ETNPPL: variants seen among roughly 807,000 people sequenced by gnomAD.
The protein encoded by ETNPPL is ethanolamine-phosphate phospho-lyase.
ETNPPL carries 30 observed loss-of-function variants against 55.5 expected under a neutral mutation model. The observed-to-expected ratio is 0.54, with a 90% CI of 0.40 to 0.73. The LOEUF is 0.73. ETNPPL is among the 30% of genes least tolerant of loss of function. The pLI, the probability that ETNPPL is intolerant of heterozygous loss-of-function variation, is 0.00. For synonymous variants in ETNPPL, 202 were observed against 207.2 expected (o/e 0.98, Z 0.21); for missense variants, 528 against 607.9 (o/e 0.87, Z 1.38).
In ETNPPL at chr4:108,750,957, C is replaced by A; in HGVS notation, c.680G>T (p.Gly227Val). The change falls in exon 7 of 13, where the codon GGC becomes GTC. Residue 227 changes from glycine to valine, a missense_variant. Transcript: ENST00000296486. Reference protein sequence around the residue: ...SCGGQIIPPAGYFQKVAEYVH... With the variant: ...SCGGQIIPPAVYFQKVAEYVH... ...ATACTCTGCCACTTTCTGGAAGTAG[C>A]CTGCTGGAGGAATTATTTGTCCGCC... 2 of 1,613,304 alleles carry A rather than the reference C, an allele frequency of 1.2e-6. No individual in the cohort carries two copies. Among genetic ancestry groups the A allele is most frequent in the Non-Finnish European group, 1.7e-6 (2 of 1,179,456 alleles).
Position 108,762,847 on chromosome 4 carries a change from T to G in ETNPPL, c.52A>C (p.Ile18Leu). The change falls in exon 1 of 13, where the codon ATC becomes CTC. Residue 18 changes from isoleucine to leucine, a missense_variant. Physicochemically the swap from Ile to Leu is conservative, Grantham distance 5. Coordinates refer to ENST00000296486, the MANE Select transcript of ETNPPL (RefSeq NM_031279.4). Reference sequence around the variant, plus strand: ...TCCGGGCCAGGGTGCCCTTACCCGATGTGCTTCTTCCTCAGCCCCAGAGTG... The same window carrying G: ...TCCGGGCCAGGGTGCCCTTACCCGAGGTGCTTCTTCCTCAGCCCCAGAGTG... ...RDTLGLRKKHIGPSCKVFFAS... is the reference protein window; with the variant it reads ...RDTLGLRKKHLGPSCKVFFAS... 2 of 1,614,136 alleles carry G rather than the reference T, an allele frequency of 1.2e-6. No individual in the cohort carries two copies. Among genetic ancestry groups the G allele is most frequent in the Non-Finnish European group, 1.7e-6 (2 of 1,179,962 alleles).
At chr4:108,743,100 G>C (rs1405440455) in intron 12 of ETNPPL, among the ~76,000 whole-genome samples, 1 of 152,164 alleles carries the variant, frequency 6.6e-6, no homozygotes, top group Non-Finnish European at 1.5e-5. Context: ...AAAAGACTTT[G>C]CTGACTCCAT....
intron 11 of ETNPPL, among the ~76,000 whole-genome samples, chr4:108,745,149 AC>A (rs1728410597): frequency 1.3e-5 from 2 of 148,832 alleles, no homozygotes; most frequent in African/African-American, 5.2e-5. Context: ...TATGTTCATA[AC>A]AAAAAAATAA....
rs1017484763 is a variant in ETNPPL, at chr4:108,756,488, C to T, written c.340G>A (p.Glu114Lys). The T allele has an allele frequency of 1.2e-6, 2 of 1,612,808 alleles. No individual in the cohort carries two copies. The highest frequency in any genetic ancestry group is 1.1e-5 in the South Asian group (1 of 91,038). Residue 114 changes from glutamate (E) to lysine (K), a missense_variant, in exon 4 of 13, where the codon GAA becomes AAA. Transcript: ENST00000296486. ...SVCYFTNSGS[E>K]ANDLALRLAR... ...AGGCGTAAGGCTAAGTCGTTGGCTT[C>T]GGATCTATTAAGATAACATAGAGAG...
chr4:108,755,552 C>A (rs1349347113), intron 4 of ETNPPL, among the ~76,000 whole-genome samples: 1 of 152,112 alleles, frequency 6.6e-6, no homozygotes, highest in Non-Finnish European at 1.5e-5. Flanking sequence ...CTCGGTGGCT[C>A]ACGCCTGTAA....
At chr4:108,746,010 A>AT (rs977922406) in intron 11 of ETNPPL, among the ~76,000 whole-genome samples, 1 of 152,098 alleles carries the variant, frequency 6.6e-6, no homozygotes, top group East Asian at 1.9e-4. Flanking sequence ...AGCCTATATA[A>AT]TTTTTTTATT....
chr4:108,749,284 T>C lies in ETNPPL; in HGVS notation c.881A>G (p.Glu294Gly). ...AGAGCTGCTGAAGGCTTCTGCAATT[T>C]CTTTGGTTGTTACCACACATGCCAC... ...HPVACVVTTK[E>G]IAEAFSSSGM... The change falls in exon 8 of 13, where the codon GAA (glutamate) becomes GGA (glycine). Residue 294 changes from glutamate to glycine, a missense_variant. By Grantham distance (98) the Glu-to-Gly change is moderately conservative (BLOSUM62 -2). Transcript: ENST00000296486. 1 of 1,614,188 alleles carries C rather than the reference T, an allele frequency of 6.2e-7. No homozygotes were observed. Among genetic ancestry groups the C allele is most frequent in the Non-Finnish European group, 8.5e-7 (1 of 1,180,026 alleles).
Position 108,746,774 on chromosome 4 carries a change from T to C in ETNPPL, c.1160A>G (p.His387Arg). ...KRTPATAEAQ[H>R]IIYKMKEKRV... ...GGGGGTGAATTACTTGTAGATGATGTGCTGAGCTTCAGCTGTGGCAGGGGT... is the reference window on the plus strand; with the variant it reads ...GGGGGTGAATTACTTGTAGATGATGCGCTGAGCTTCAGCTGTGGCAGGGGT... The change falls in exon 10 of 13, where the codon CAC (histidine) becomes CGC (arginine). Residue 387 changes from histidine (H) to arginine (R), a missense_variant. Transcript: ENST00000296486. 1.9e-6 allele frequency: 3 copies of C among 1,613,924 alleles called. No homozygotes were observed. Among genetic ancestry groups the C allele is most frequent in the Non-Finnish European group, 2.5e-6 (3 of 1,179,850 alleles).
chr4:108,752,783 G>T, intron 6 of ETNPPL, 112 bp downstream of exon 6: 1 of 678,240 alleles, frequency 1.5e-6, no homozygotes, highest in South Asian at 2.0e-5. Flanking sequence ...AACTAGAGAA[G>T]AACAGAAAGG....
intron 5 of ETNPPL, among the ~76,000 whole-genome samples, chr4:108,753,668 G>A (rs1341307988): frequency 6.6e-6 from 1 of 151,930 alleles, no homozygotes; most frequent in Non-Finnish European, 1.5e-5. Context: ...CTTGAACGCT[G>A]TAAGCGGAGG....
chr4:108,743,130 G>A lies in ETNPPL; in HGVS notation c.1372-518C>T, dbSNP rs142319412. Among the ~76,000 whole-genome samples the A allele has an allele frequency of 5.7e-3, 871 of 152,292 alleles. 32 individuals carry two copies. Among genetic ancestry groups the A allele is most frequent in the Admixed American group, 0.044 (671 of 15,298 alleles). On this transcript the variant is annotated intron_variant, in intron 12 of 12. Coordinates refer to ENST00000296486, the MANE Select transcript of ETNPPL (RefSeq NM_031279.4). ...CTCCATTGGATGCGCAGGCGGGCTC[G>A]AGGCACTGAGTGTTCCTTTATGCAT...
chr4:108,749,172 G>T, intron 8 of ETNPPL, 66 bp downstream of exon 8: 1 of 1,308,242 alleles, frequency 7.6e-7, no homozygotes, highest in Non-Finnish European at 1.1e-6. Flanking sequence ...TTACTACATT[G>T]GCAAAAAATA....
chr4:108,746,740 G>C (rs747409126), intron 10 of ETNPPL, 22 bp downstream of exon 10: 4 of 1,606,804 alleles, frequency 2.5e-6, no homozygotes, highest in Non-Finnish European at 2.6e-6. Flanking sequence ...ATACCAAACA[G>C]GTGGGTGTGG....
At position 108,742,130 on chromosome 4, in the gene ETNPPL, C is replaced by T. The variant is rs1434113898; in HGVS notation, c.*354G>A. ...ATTATAGAATACATATTTTAAGGCACTAAGTCTCAAAAGTGAAGGCACCTG... is the reference window on the plus strand; with the variant it reads ...ATTATAGAATACATATTTTAAGGCATTAAGTCTCAAAAGTGAAGGCACCTG... On this transcript the variant is annotated 3_prime_UTR_variant, in exon 13 of 13. Coordinates refer to ENST00000296486, the MANE Select transcript of ETNPPL (RefSeq NM_031279.4). 2 of 164,714 alleles carry T rather than the reference C, an allele frequency of 1.2e-5. No homozygotes were observed. Among genetic ancestry groups the T allele is most frequent in the Non-Finnish European group, 2.7e-5 (2 of 75,248 alleles). The allele number at this position is 164,714 out of a possible 1,614,324, so 10.2% of individuals were successfully genotyped here. A position where few individuals can be genotyped will look rare whatever the true frequency, so the allele number is the denominator to read the frequency against.
chr4:108,756,629 AAGTTAG>A (rs1401066503), intron 3 of ETNPPL, 137 bp from the exon 4 acceptor site: 12 of 650,968 alleles, frequency 1.8e-5, no homozygotes, highest in Non-Finnish European at 3.3e-5. Context: ...CTGAGCTCAG[AAGTTAG>A]AGACCAGATT....
chr4:108,746,677 G>C, intron 10 of ETNPPL, 85 bp downstream of exon 10: 5 of 1,496,812 alleles, frequency 3.3e-6, no homozygotes, highest in Admixed American at 3.4e-5. Flanking sequence ...TTTTTCAGAG[G>C]GATGGGAGGA....
Position 108,753,762 on chromosome 4 carries a change from A to AGG in ETNPPL, c.502-752_502-751insCC. ...GTCTCAAATAAATAAGAAAGAAAGAAAGAAAGAAAGAAAGAAAGAAAGAAA... is the reference window on the plus strand; with the variant it reads ...GTCTCAAATAAATAAGAAAGAAAGAAGGAGAAAGAAAGAAAGAAAGAAAGAAA... On this transcript the variant is annotated intron_variant, in intron 5 of 12. Coordinates refer to ENST00000296486, the MANE Select transcript of ETNPPL (RefSeq NM_031279.4). Among the ~76,000 whole-genome samples the AGG allele has an allele frequency of 4.0e-5, 5 of 124,128 alleles. No homozygotes were observed. The South Asian group carries it at 1.4e-3, about 35-fold the overall frequency. The allele number at this position is 124,128 out of a possible 152,430, so 81.4% of individuals were successfully genotyped here.
rs202012169 is a variant in ETNPPL, at chr4:108,759,787, C to T, written c.297G>A (p.Leu99=). 1 of 1,614,132 alleles carries T rather than the reference C, an allele frequency of 6.2e-7. No homozygotes were observed. The highest frequency in any genetic ancestry group is 1.3e-5 in the African/African-American group (1 of 75,036). The part of the protein sequence containing the change: ...VEYAKRLSAT[L]PEKLSVCYFT... ...AATAACAAACAGAGAGTTTCTCCGG[C>T]AGAGTTGCTGAAAGGCGTTTGGCAT... is the stretch of plus-strand genomic sequence containing the variant. The change falls in exon 3 of 13, where the codon CTG becomes CTA. Residue 99 remains leucine, a synonymous_variant. Coordinates refer to ENST00000296486, the MANE Select transcript of ETNPPL (RefSeq NM_031279.4).
Position 108,747,239 on chromosome 4 carries a change from TAATATATATATATATTA to T in ETNPPL, c.1083-405_1083-389del, listed in dbSNP as rs1728645300. 4.8e-5 allele frequency among the ~76,000 whole-genome samples: 2 copies of T among 41,294 alleles called. 1 individual carries two copies. Among genetic ancestry groups the T allele is most frequent in the African/African-American group, 4.6e-4 (2 of 4,354 alleles). 27.1% of individuals were successfully genotyped at this position (41,294 alleles called of 152,430 possible). A position where few individuals can be genotyped will look rare whatever the true frequency, so the allele number is the denominator to read the frequency against. ...TATATATATATTATATATATATATA[TAATATATATATATATTA>T]TATATATATATGTCAGTATTTCATA... On this transcript the variant is annotated intron_variant, in intron 9 of 12. Transcript: ENST00000296486.
Sources: allele counts gnomAD v4.1 joint callset (sites outside exome capture counted in the v4.1 genomes callset), GRCh38; gene constraint gnomAD v4.1.1; transcripts MANE v1.5; gene names NCBI Gene and HGNC (gene_info 2026-07-23, HGNC 2026-07-21).